The following CNBD1 variants were observed in gnomAD, a reference collection of about 807,000 sequenced individuals.
The protein encoded by CNBD1 is cyclic nucleotide-binding domain-containing protein 1.
In CNBD1, 71 loss-of-function variants were observed where a neutral mutation model predicts 54.4. The ratio of observed to expected loss-of-function variants is 1.30; its 90% CI spans 1.08 to 1.59. CNBD1 has a LOEUF of 1.59. Among genes scored for constraint, CNBD1 ranks in the 40% most tolerant of loss-of-function variants. The pLI, the probability that CNBD1 is intolerant of heterozygous loss-of-function variation, is 0.00. For synonymous variants in CNBD1, 182 were observed against 170.7 expected, an observed-to-expected ratio of 1.07 and a Z score of -0.51; for missense variants, 659 against 518.0, an observed-to-expected ratio of 1.27 and a Z score of -2.64.
intron 10 of CNBD1, among the ~76,000 whole-genome samples, chr8:87,374,716 C>G (rs1049213575): frequency 1.3e-5 from 2 of 151,770 alleles, no homozygotes; most frequent in African/African-American, 4.8e-5. Flanking sequence ...TCCATGATCT[C>G]ACTCACTGTC....
At chr8:87,134,156 C>A (rs1188181341) in intron 4 of CNBD1, among the ~76,000 whole-genome samples, 1 of 152,122 alleles carries the variant, frequency 6.6e-6, no homozygotes, top group African/African-American at 2.4e-5. Flanking sequence ...AACTGTGTGA[C>A]TAATTTGTTT....
chr8:87,390,123 TA>T (rs1250352571), intron 2 of CNBD1, among the ~76,000 whole-genome samples: 1 of 151,586 alleles, frequency 6.6e-6, no homozygotes, highest in African/African-American at 2.4e-5. Flanking sequence ...ACTTAAACGT[TA>T]GACCTAAAAC....
chr8:86,989,513 C>G (rs74883956), intron 4 of CNBD1, among the ~76,000 whole-genome samples: 1 of 152,016 alleles, frequency 6.6e-6, no homozygotes, highest in Non-Finnish European at 1.5e-5. Context: ...TGCAGTGGCA[C>G]GATCCTGGCT....
intron 4 of CNBD1, among the ~76,000 whole-genome samples, chr8:87,096,804 CT>C (rs200048715): frequency 0.17 from 24,748 of 145,514 alleles, 2,258 homozygotes; most frequent in Admixed American, 0.24. Context: ...TTTTTCTTCC[CT>C]TTTTTTTTTT....
intron 4 of CNBD1, among the ~76,000 whole-genome samples, chr8:87,175,635 C>T (rs752361793): frequency 1.5e-4 from 23 of 152,304 alleles, no homozygotes; most frequent in Admixed American, 3.3e-4. Context: ...TCCCTTTCCT[C>T]TTCTCAGGCT....
chr8:87,055,957 A>G (rs1411223610), intron 4 of CNBD1, among the ~76,000 whole-genome samples: 1 of 148,480 alleles, frequency 6.7e-6, no homozygotes, highest in Admixed American at 6.8e-5. Flanking sequence ...CAAAAACTTC[A>G]GGATACTAAA....
rs147045886 is a variant in CNBD1, at chr8:87,379,730, A to G, written c.1304-2890A>G. On this transcript the variant is annotated intron_variant, in intron 10 of 10. Coordinates refer to ENST00000518476, the MANE Select transcript of CNBD1 (RefSeq NM_173538.3). Reference sequence around the variant, plus strand: ...ATTTTTTTTAAGAAATACGTTTATAATATTTGTAAAATTACATTGATTGAA... The same window carrying G: ...ATTTTTTTTAAGAAATACGTTTATAGTATTTGTAAAATTACATTGATTGAA... 4.6e-5 allele frequency among the ~76,000 whole-genome samples: 7 copies of G among 152,098 alleles called. No individual in the cohort carries two copies. In the East Asian group the frequency reaches 1.4e-3, roughly 29 times the overall value.
Position 86,931,189 on chromosome 8 carries a change from A to G in CNBD1, c.273-8407A>G, listed in dbSNP as rs568530868. Among the ~76,000 whole-genome samples, 18 of 152,304 alleles carry G rather than the reference A, an allele frequency of 1.2e-4. No individual in the cohort carries two copies. The South Asian group carries it at 2.7e-3, about 23-fold the overall frequency. ...GCTGTCCCGGGATTCCTCAGATGGT[A>G]ATGGACCTTGAGGACAAGGTCCAGG... On this transcript the variant is annotated intron_variant, in intron 3 of 10. Coordinates refer to ENST00000518476, the MANE Select transcript of CNBD1 (RefSeq NM_173538.3).
At chr8:87,394,427 T>A (rs535276693) in intron 2 of CNBD1, among the ~76,000 whole-genome samples, 6 of 151,974 alleles carry the variant, frequency 3.9e-5, no homozygotes, top group African/African-American at 1.4e-4. Context: ...GACACTTTTC[T>A]ATTTTTATCT....
At chr8:87,281,882 A>G (rs1275510826) in intron 6 of CNBD1, among the ~76,000 whole-genome samples, 1 of 151,316 alleles carries the variant, frequency 6.6e-6, no homozygotes, top group Non-Finnish European at 1.5e-5. Context: ...GACATTAATT[A>G]CAATTTTCTG....
intron 10 of CNBD1, among the ~76,000 whole-genome samples, chr8:87,364,834 A>T (rs1194591393): frequency 6.6e-6 from 1 of 152,024 alleles, no homozygotes; most frequent in African/African-American, 2.4e-5. Flanking sequence ...ATTCTTTTTT[A>T]TGGCTGCATA....
At chr8:87,376,968 G>C (rs1810954007) in intron 10 of CNBD1, among the ~76,000 whole-genome samples, 1 of 149,120 alleles carries the variant, frequency 6.7e-6, no homozygotes, top group African/African-American at 2.5e-5. Context: ...CAAATATTCT[G>C]GCTCATATAC....
intron 4 of CNBD1, among the ~76,000 whole-genome samples, chr8:87,058,413 C>A (rs1810470829): frequency 6.6e-6 from 1 of 152,192 alleles, no homozygotes; most frequent in South Asian, 2.1e-4. Context: ...CCAGTTGGGA[C>A]TCTGTGTGGG....
At chr8:87,343,110 A>G (rs1810100917) in intron 8 of CNBD1, among the ~76,000 whole-genome samples, 1 of 152,146 alleles carries the variant, frequency 6.6e-6, no homozygotes, top group Non-Finnish European at 1.5e-5. Context: ...TATTTCTCCT[A>G]CTTGCTTTCT....
At chr8:87,335,992 A>C (rs377341666) in intron 8 of CNBD1, among the ~76,000 whole-genome samples, 1 of 152,014 alleles carries the variant, frequency 6.6e-6, no homozygotes, top group Admixed American at 6.6e-5. Flanking sequence ...ATGGGTTGAA[A>C]ATTCTTTTAT....
intron 4 of CNBD1, among the ~76,000 whole-genome samples, chr8:87,137,103 A>AATTATATATATATTATATTTAT (rs1812265505): frequency 1.1e-5 from 1 of 90,888 alleles, no homozygotes; most frequent in Non-Finnish European, 2.1e-5. Flanking sequence ...ATTATATGTA[A>AATTATATATATATTATATTTAT]ATTATATATA....
intron 5 of CNBD1, among the ~76,000 whole-genome samples, chr8:87,227,664 G>T (rs1394723330): frequency 7.0e-6 from 1 of 141,900 alleles, no homozygotes; most frequent in African/African-American, 2.8e-5. Context: ...CTCTCTGGCT[G>T]CCCTTAACAT....
intron 2 of CNBD1, among the ~76,000 whole-genome samples, chr8:87,400,646 G>A (rs1399346848): frequency 6.6e-6 from 1 of 151,894 alleles, no homozygotes; most frequent in Non-Finnish European, 1.5e-5. Context: ...TTGACTACAA[G>A]ATTGATAATT....
At chr8:87,270,693 A>T (rs1037828206) in intron 6 of CNBD1, among the ~76,000 whole-genome samples, 31 of 151,914 alleles carry the variant, frequency 2.0e-4, no homozygotes, top group African/African-American at 4.1e-4. Flanking sequence ...CTTTATTTTT[A>T]AAAAAATTTA....
Sources: gnomAD v4.1 joint callset for allele counts (sites outside exome capture counted in the v4.1 genomes callset) on GRCh38, gnomAD v4.1.1 for gene constraint, MANE v1.5 for transcripts, NCBI Gene and HGNC (gene_info 2026-07-23, HGNC 2026-07-21) for gene names.